The following KRABD5 variants were observed in gnomAD, a reference collection of about 807,000 sequenced individuals.
KRABD5 encodes the protein KRAB domain containing 5, also known as KRAB domain-containing protein 5.
the KRABD5 span, among the ~76,000 whole-genome samples, chr16:31,753,469 AT>A: frequency 1.1e-4 from 17 of 152,344 alleles, no homozygotes; most frequent in East Asian, 3.1e-3. Flanking sequence ...GCGAAACAGA[AT>A]GCGAAAAATT....
chr16:31,714,385 G>C, the KRABD5 span: 1 of 456,234 alleles, frequency 2.2e-6, no homozygotes, highest in Non-Finnish European at 4.4e-6. Context: ...ACATCTGACT[G>C]GCTGGGCACC....
the KRABD5 span, among the ~76,000 whole-genome samples, chr16:31,722,399 A>G: frequency 2.0e-5 from 3 of 152,070 alleles, no homozygotes; most frequent in Admixed American, 2.0e-4. Context: ...TATATTCCAT[A>G]TAGGCATAGT....
At chr16:31,735,038 T>C in the KRABD5 span, among the ~76,000 whole-genome samples, 7 of 152,092 alleles carry the variant, frequency 4.6e-5, no homozygotes, top group African/African-American at 1.7e-4. Context: ...TGTGAGCCAC[T>C]GTGCCCTGCC....
the KRABD5 span, among the ~76,000 whole-genome samples, chr16:31,750,421 A>G: frequency 6.6e-6 from 1 of 152,192 alleles, no homozygotes; most frequent in Admixed American, 6.5e-5. Context: ...GTTCCTTATC[A>G]GTTTCAGGAG....
chr16:31,722,766 G>C, the KRABD5 span: 5 of 1,569,976 alleles, frequency 3.2e-6, no homozygotes, highest in Non-Finnish European at 4.3e-6. Flanking sequence ...AGGATAACTT[G>C]CCTTTGGAAT....
the KRABD5 span, among the ~76,000 whole-genome samples, chr16:31,716,997 G>GTTTTTTTTT: frequency 2.1e-4 from 17 of 81,164 alleles, no homozygotes; most frequent in Middle Eastern, 8.2e-3. Context: ...GTCAGTCTTT[G>GTTTTTTTTT]TTTTTTTTTT....
chr16:31,723,135 A>G, the KRABD5 span: 64 of 1,042,634 alleles, frequency 6.1e-5, no homozygotes, highest in Admixed American at 2.3e-4. Context: ...CTGACAGGAA[A>G]CAGTATTTGG....
the KRABD5 span, among the ~76,000 whole-genome samples, chr16:31,738,173 G>T: frequency 3.3e-5 from 5 of 152,098 alleles, no homozygotes; most frequent in African/African-American, 1.2e-4. Context: ...GTATTCTGCT[G>T]TTGAATGGTT....
the KRABD5 span, among the ~76,000 whole-genome samples, chr16:31,718,864 G>T: frequency 1.3e-5 from 2 of 152,192 alleles, no homozygotes; most frequent in Non-Finnish European, 2.9e-5. Context: ...GATGTCCTGT[G>T]CAGACTGAGG....
At chr16:31,731,667 A>G in the KRABD5 span, among the ~76,000 whole-genome samples, 1 of 152,228 alleles carries the variant, frequency 6.6e-6, no homozygotes, top group South Asian at 2.1e-4. Flanking sequence ...GACAGAAAGT[A>G]GAGCCAAACT....
chr16:31,733,292 A>G, the KRABD5 span, among the ~76,000 whole-genome samples: 1 of 151,926 alleles, frequency 6.6e-6, no homozygotes, highest in African/African-American at 2.4e-5. Flanking sequence ...TCTTAAATTC[A>G]CAATCTATTG....
the KRABD5 span, among the ~76,000 whole-genome samples, chr16:31,753,393 G>GA: frequency 6.6e-6 from 1 of 152,154 alleles, no homozygotes; most frequent in African/African-American, 2.4e-5. Context: ...CCAGTCTTTA[G>GA]ATAGCCCCAG....
At chr16:31,728,399 CT>C in the KRABD5 span, among the ~76,000 whole-genome samples, 2 of 151,216 alleles carry the variant, frequency 1.3e-5, no homozygotes, top group Admixed American at 6.6e-5. Flanking sequence ...TATTCAACAT[CT>C]TTTTTTTTCT....
the KRABD5 span, among the ~76,000 whole-genome samples, chr16:31,714,103 G>A: frequency 4.6e-5 from 7 of 152,182 alleles, no homozygotes; most frequent in Non-Finnish European, 1.0e-4. Flanking sequence ...TTGTGACAGT[G>A]GATATCTGTG....
At chr16:31,748,701 G>C in the KRABD5 span, among the ~76,000 whole-genome samples, 2 of 152,000 alleles carry the variant, frequency 1.3e-5, no homozygotes, top group Non-Finnish European at 1.5e-5. Flanking sequence ...GCTTTTTTTA[G>C]TTGATTCTTT....
At chr16:31,738,125 A>G in the KRABD5 span, among the ~76,000 whole-genome samples, 11 of 152,156 alleles carry the variant, frequency 7.2e-5, no homozygotes, top group South Asian at 6.2e-4. Flanking sequence ...CAGGTTGTCT[A>G]TTGGTGATCA....
chr16:31,754,894 T>C, the KRABD5 span: 1 of 457,310 alleles, frequency 2.2e-6, no homozygotes, highest in African/African-American at 2.0e-5. Flanking sequence ...GTAAAGAATG[T>C]GGCAAAGCCT....
the KRABD5 span, among the ~76,000 whole-genome samples, chr16:31,731,020 A>T: frequency 6.6e-6 from 1 of 152,258 alleles, no homozygotes; most frequent in African/African-American, 2.4e-5. Flanking sequence ...ATTCTTTGTC[A>T]GCCAACTTTC....
At chr16:31,722,931 A>G in the KRABD5 span, among the ~76,000 whole-genome samples, 1 of 152,200 alleles carries the variant, frequency 6.6e-6, no homozygotes, top group East Asian at 1.9e-4. Context: ...TGATCTTGAC[A>G]TTTGCCTTCT....
Sources: gnomAD v4.1 joint callset for allele counts (sites outside exome capture counted in the v4.1 genomes callset) on GRCh38, gnomAD v4.1.1 for gene constraint, MANE v1.5 for transcripts, NCBI Gene and HGNC (gene_info 2026-07-23, HGNC 2026-07-21) for gene names.